The following TMEM108 variants were observed in gnomAD, a reference collection of about 807,000 sequenced individuals.
TMEM108 encodes cancer/testis antigen 124.
Under a neutral mutation model 35.1 loss-of-function variants are expected in TMEM108, and 12 were observed. That is an observed-to-expected ratio of 0.34 (90% CI 0.22 to 0.55). The LOEUF (loss-of-function observed/expected upper bound fraction) is 0.55. Among genes scored for constraint, TMEM108 ranks in the 20% least tolerant of loss-of-function variants. The pLI is 0.89. For missense variants in TMEM108, 680 were observed against 753.3 expected (o/e 0.90, Z 1.14); for synonymous variants, 287 against 308.6 (o/e 0.93, Z 0.73).
intron 2 of TMEM108, among the ~76,000 whole-genome samples, chr3:133,122,740 G>A (rs1944368850): frequency 1.3e-5 from 2 of 151,882 alleles, no homozygotes; most frequent in African/African-American, 4.8e-5. Flanking sequence ...GCAGGTGCCT[G>A]TAGTCCCAGC....
chr3:133,069,823 C>A (rs750087160), intron 2 of TMEM108, among the ~76,000 whole-genome samples: 1 of 152,156 alleles, frequency 6.6e-6, no homozygotes, highest in Non-Finnish European at 1.5e-5. Context: ...CTCACTCTTA[C>A]GCTTCCAGGA....
chr3:133,153,815 T>TATA (rs1490048307), intron 2 of TMEM108, among the ~76,000 whole-genome samples: 1 of 152,160 alleles, frequency 6.6e-6, no homozygotes, highest in Admixed American at 6.6e-5. Flanking sequence ...AATGGTTGTA[T>TATA]ATAGTAAGAA....
chr3:133,176,243 G>A (rs1366087030), intron 2 of TMEM108, among the ~76,000 whole-genome samples: 3 of 152,132 alleles, frequency 2.0e-5, no homozygotes, highest in South Asian at 2.1e-4. Context: ...ACACCCCACT[G>A]TCAACATTAG....
chr3:133,382,193 C>T (rs189053158), intron 4 of TMEM108, among the ~76,000 whole-genome samples: 72 of 152,278 alleles, frequency 4.7e-4, no homozygotes, highest in African/African-American at 1.6e-3. Context: ...CAGGGATGGC[C>T]ACACTGCCCC....
At chr3:133,100,458 G>A (rs1944072942) in intron 2 of TMEM108, among the ~76,000 whole-genome samples, 1 of 152,138 alleles carries the variant, frequency 6.6e-6, no homozygotes, top group Non-Finnish European at 1.5e-5. Flanking sequence ...CTAAAAATTA[G>A]CTGGGCATAG....
At chr3:133,322,480 C>G (rs542305951) in intron 3 of TMEM108, among the ~76,000 whole-genome samples, 6 of 151,906 alleles carry the variant, frequency 3.9e-5, no homozygotes, top group Non-Finnish European at 8.8e-5. Flanking sequence ...CAGGCAGAAG[C>G]AGAAAGTCTG....
intron 3 of TMEM108, among the ~76,000 whole-genome samples, chr3:133,377,487 A>G (rs2072877333): frequency 6.6e-6 from 1 of 152,180 alleles, no homozygotes; most frequent in Admixed American, 6.5e-5. Flanking sequence ...TGACCAGGAT[A>G]AGCATGCACT....
intron 2 of TMEM108, among the ~76,000 whole-genome samples, chr3:133,167,414 T>C (rs952250235): frequency 2.0e-5 from 3 of 152,250 alleles, no homozygotes; most frequent in Admixed American, 1.3e-4. Context: ...CCTCAGCCCT[T>C]GGGCGGTCCA....
chr3:133,365,165 A>C (rs1276362959), intron 3 of TMEM108, among the ~76,000 whole-genome samples: 2 of 152,188 alleles, frequency 1.3e-5, no homozygotes, highest in Non-Finnish European at 1.5e-5. Context: ...CAGCTCCGGA[A>C]TGAGAACCTC....
chr3:133,179,872 A>G (rs1945304850), intron 2 of TMEM108, among the ~76,000 whole-genome samples: 1 of 140,254 alleles, frequency 7.1e-6, no homozygotes, highest in South Asian at 2.3e-4. Context: ...AGCCATACTT[A>G]CAAGCCTTAT....
At chr3:133,132,768 T>C (rs192819345) in intron 2 of TMEM108, among the ~76,000 whole-genome samples, 15 of 152,172 alleles carry the variant, frequency 9.9e-5, no homozygotes, top group African/African-American at 3.1e-4. Flanking sequence ...GCAAAGTAAA[T>C]TGAAATCCTT....
intron 2 of TMEM108, among the ~76,000 whole-genome samples, chr3:133,122,148 GTTAC>G (rs1268839617): frequency 6.6e-6 from 1 of 151,930 alleles, no homozygotes; most frequent in Non-Finnish European, 1.5e-5. Context: ...AGCAGCAGGA[GTTAC>G]TTCTCTTTTC....
At chr3:133,287,279 AG>A (rs1946999152) in intron 3 of TMEM108, among the ~76,000 whole-genome samples, 1 of 152,252 alleles carries the variant, frequency 6.6e-6, no homozygotes, top group African/African-American at 2.4e-5. Context: ...TTTTAAAAAA[AG>A]GATCAAGGTT....
At chr3:133,188,673 C>T (rs1271581745) in intron 2 of TMEM108, among the ~76,000 whole-genome samples, 1 of 152,092 alleles carries the variant, frequency 6.6e-6, no homozygotes, top group Non-Finnish European at 1.5e-5. Flanking sequence ...ACAGGAGAAA[C>T]CATATTTGAG....
intron 2 of TMEM108, among the ~76,000 whole-genome samples, chr3:133,116,624 C>G (rs1944290979): frequency 6.6e-6 from 1 of 152,130 alleles, no homozygotes; most frequent in South Asian, 2.1e-4. Flanking sequence ...AGGCAAATAT[C>G]AGATCATCAA....
intron 2 of TMEM108, among the ~76,000 whole-genome samples, chr3:133,194,243 A>G (rs1945544444): frequency 6.6e-6 from 1 of 152,102 alleles, no homozygotes. Flanking sequence ...CTGAACATTA[A>G]TTCCTAAATC....
At chr3:133,202,649 T>A (rs1576379401) in intron 2 of TMEM108, among the ~76,000 whole-genome samples, 1 of 152,354 alleles carries the variant, frequency 6.6e-6, no homozygotes, top group Middle Eastern at 3.4e-3. Flanking sequence ...TCCATTGGTC[T>A]ATATATCTGT....
At chr3:133,176,910 G>A (rs1945240093) in intron 2 of TMEM108, among the ~76,000 whole-genome samples, 1 of 152,108 alleles carries the variant, frequency 6.6e-6, no homozygotes, top group African/African-American at 2.4e-5. Flanking sequence ...AAAATTGATA[G>A]ACCGCTAGCA....
intron 3 of TMEM108, among the ~76,000 whole-genome samples, chr3:133,362,183 C>T (rs952502986): frequency 6.6e-6 from 1 of 152,146 alleles, no homozygotes; most frequent in Admixed American, 6.5e-5. Context: ...TTGCTGCAGG[C>T]CCAAAAGTTC....
Sources: gnomAD v4.1 joint callset for allele counts (sites outside exome capture counted in the v4.1 genomes callset) on GRCh38, gnomAD v4.1.1 for gene constraint, MANE v1.5 for transcripts, NCBI Gene and HGNC (gene_info 2026-07-23, HGNC 2026-07-21) for gene names.